Variants in KIFAP3 observed in about 807,000 individuals in gnomAD.
KIFAP3 encodes kinesin associated protein 3, also known as kinesin-associated protein 3.
KIFAP3 carries 68 observed loss-of-function variants against 106.5 expected under a neutral mutation model. That is an observed-to-expected ratio of 0.64 (90% CI 0.53 to 0.78). The LOEUF (loss-of-function observed/expected upper bound fraction) is 0.78. Among genes scored for constraint, KIFAP3 ranks in the 30% least tolerant of loss-of-function variants. The probability of loss-of-function intolerance (pLI) is 0.00; values close to 1 mark genes in which losing one functional copy is unlikely to be tolerated. For missense variants in KIFAP3, 780 were observed against 941.8 expected, an observed-to-expected ratio of 0.83 and a Z score of 2.25; for synonymous variants, 320 against 311.5, an observed-to-expected ratio of 1.03 and a Z score of -0.29.
chr1:169,928,698 C>CAAAAAAAAAAAAAAAAAAAAAAAAA (rs1348963598), intron 19 of KIFAP3, among the ~76,000 whole-genome samples: 1 of 1,466 alleles, frequency 6.8e-4, no homozygotes, highest in African/African-American at 7.0e-3. Flanking sequence ...GACCCTGTCT[C>CAAAAAAAAAAAAAAAAAAAAAAAAA]CAAAAAAAAA....
intron 1 of KIFAP3, among the ~76,000 whole-genome samples, chr1:170,058,328 A>C (rs2102131862): frequency 6.6e-6 from 1 of 152,308 alleles, no homozygotes; most frequent in South Asian, 2.1e-4. Context: ...ACAGTTGTAG[A>C]TTTACGCCAT....
Position 170,080,366 on chromosome 1 carries a change from T to C in KIFAP3, n.174+4669A>G, listed in dbSNP as rs147958861. ...CTCAAATTTATCTATAGATTCTATA[T>C]AACTCCAATCAAATACTAGCAATTT... On this transcript the variant is annotated intron_variant and non_coding_transcript_variant, in intron 1 of 5. Transcript: ENST00000490550. 8.1e-3 allele frequency among the ~76,000 whole-genome samples: 1,239 copies of C among 152,226 alleles called. 22 individuals are homozygous for C. Among genetic ancestry groups the C allele is most frequent in the African/African-American group, 0.027 (1,134 of 41,558 alleles).
At chr1:169,967,503 A>G (rs1665689976) in intron 17 of KIFAP3, among the ~76,000 whole-genome samples, 1 of 151,814 alleles carries the variant, frequency 6.6e-6, no homozygotes, top group Non-Finnish European at 1.5e-5. Context: ...ATGGTACTGC[A>G]TAATATAAAG....
intron 1 of KIFAP3, among the ~76,000 whole-genome samples, chr1:170,064,233 T>C (rs1456386575): frequency 1.3e-5 from 2 of 152,222 alleles, no homozygotes; most frequent in East Asian, 3.8e-4. Flanking sequence ...CTTTATACCT[T>C]TTCTATTTCT....
intron 15 of KIFAP3, among the ~76,000 whole-genome samples, chr1:169,978,436 G>A (rs958455161): frequency 1.3e-5 from 2 of 151,630 alleles, no homozygotes; most frequent in Admixed American, 6.6e-5. Context: ...TTATAATGTT[G>A]ACTTCTCAGG....
chr1:169,970,185 G>C (rs538736859), intron 17 of KIFAP3, among the ~76,000 whole-genome samples: 20 of 151,994 alleles, frequency 1.3e-4, no homozygotes, highest in Non-Finnish European at 2.9e-4. Flanking sequence ...ACTAGCTATA[G>C]GCTTCTCTCT....
intron 19 of KIFAP3, among the ~76,000 whole-genome samples, chr1:169,934,187 G>A (rs958922831): frequency 1.1e-4 from 16 of 152,140 alleles, no homozygotes; most frequent in African/African-American, 3.6e-4. Flanking sequence ...TTTCTGTTTT[G>A]CCTTTATAGG....
At chr1:170,062,258 C>CAA (rs77586019) in intron 1 of KIFAP3, among the ~76,000 whole-genome samples, 62 of 134,416 alleles carry the variant, frequency 4.6e-4, no homozygotes, top group African/African-American at 1.6e-3. Context: ...GGTTAAAGGG[C>CAA]AAAAAAAAAA....
At chr1:169,935,478 G>T (rs1038472495) in intron 19 of KIFAP3, among the ~76,000 whole-genome samples, 3 of 151,894 alleles carry the variant, frequency 2.0e-5, no homozygotes, top group Non-Finnish European at 2.9e-5. Context: ...ATCAACTTTA[G>T]ATATAGTTTC....
intron 18 of KIFAP3, among the ~76,000 whole-genome samples, chr1:169,956,610 C>CTTTTTT (rs1163823729): frequency 8.5e-6 from 1 of 117,446 alleles, no homozygotes; most frequent in African/African-American, 3.3e-5. Context: ...CACTGAAGTT[C>CTTTTTT]TTTTTTTTTT....
At chr1:170,022,139 G>A (rs1156276113) in intron 9 of KIFAP3, among the ~76,000 whole-genome samples, 2 of 151,072 alleles carry the variant, frequency 1.3e-5, no homozygotes, top group Non-Finnish European at 3.0e-5. Flanking sequence ...TAGTAGAGAC[G>A]GGGTTTCACC....
chr1:170,002,336 C>T (rs1418623956), intron 10 of KIFAP3, among the ~76,000 whole-genome samples: 4 of 152,128 alleles, frequency 2.6e-5, no homozygotes, highest in African/African-American at 7.2e-5. Flanking sequence ...ACATTTATAT[C>T]AATATGGAAC....
intron 10 of KIFAP3, among the ~76,000 whole-genome samples, chr1:170,003,806 G>A (rs1287584516): frequency 1.3e-5 from 2 of 152,190 alleles, no homozygotes; most frequent in African/African-American, 4.8e-5. Flanking sequence ...GCACAAGACA[G>A]GGATGCCCTC....
At chr1:170,019,533 A>G (rs546569719) in intron 9 of KIFAP3, among the ~76,000 whole-genome samples, 212 of 152,284 alleles carry the variant, frequency 1.4e-3, no homozygotes, top group Non-Finnish European at 2.1e-3. Context: ...AAGTCAATCA[A>G]TGTAACTCAC....
At chr1:169,980,463 T>C (rs1476540280) in intron 15 of KIFAP3, among the ~76,000 whole-genome samples, 2 of 152,174 alleles carry the variant, frequency 1.3e-5, no homozygotes, top group Non-Finnish European at 2.9e-5. Context: ...GAATGAGCCC[T>C]GCCCCTTAAG....
chr1:170,039,302 T>A lies in KIFAP3; in HGVS notation c.320-14A>T. ...TTTCTTTTTTCTCTGTAAAAAGATT[T>A]TTTTTTAATAAGGAGACTTAGGTTT... On this transcript the variant is annotated splice_polypyrimidine_tract_variant and intron_variant, in intron 3 of 19. Coordinates refer to ENST00000361580, the MANE Select transcript of KIFAP3 (RefSeq NM_014970.4). 1 of 1,527,806 alleles carries A rather than the reference T, an allele frequency of 6.5e-7. No homozygotes were observed. Among genetic ancestry groups the A allele is most frequent in the Non-Finnish European group, 9.0e-7 (1 of 1,112,798 alleles). 94.6% of individuals were successfully genotyped at this position (1,527,806 alleles called of 1,614,324 possible). A position where few individuals can be genotyped will look rare whatever the true frequency, so the allele number is the denominator to read the frequency against.
upstream of KIFAP3, chr1:170,074,881 G>T: frequency 2.3e-6 from 1 of 435,878 alleles, no homozygotes; most frequent in South Asian, 5.4e-5. Flanking sequence ...GGAATAGAAA[G>T]GGCTGTCAGG....
At chr1:170,052,420 G>A (rs1189021117) in intron 2 of KIFAP3, among the ~76,000 whole-genome samples, 1 of 152,142 alleles carries the variant, frequency 6.6e-6, no homozygotes, top group Admixed American at 6.5e-5. Context: ...GGTACAAAGA[G>A]GAGTGGGTAC....
Position 170,039,301 on chromosome 1 carries a change from T to TA in KIFAP3, c.320-14_320-13insT. On this transcript the variant is annotated splice_polypyrimidine_tract_variant and intron_variant, in intron 3 of 19. Coordinates refer to ENST00000361580, the MANE Select transcript of KIFAP3 (RefSeq NM_014970.4). ...TTTTCTTTTTTCTCTGTAAAAAGAT[T>TA]TTTTTTTAATAAGGAGACTTAGGTT... 1 of 1,522,646 alleles carries TA rather than the reference T, an allele frequency of 6.6e-7. No homozygotes were observed. The highest frequency in any genetic ancestry group is 9.0e-7 in the Non-Finnish European group (1 of 1,108,370). 94.3% of individuals were successfully genotyped at this position (1,522,646 alleles called of 1,614,324 possible). A position where few individuals can be genotyped will look rare whatever the true frequency, so the allele number is the denominator to read the frequency against.
Sources: allele counts gnomAD v4.1 joint callset (sites outside exome capture counted in the v4.1 genomes callset), GRCh38; gene constraint gnomAD v4.1.1; transcripts MANE v1.5; gene names NCBI Gene and HGNC (gene_info 2026-07-23, HGNC 2026-07-21).